The following PCM1 variants were observed in gnomAD, a reference collection of about 807,000 sequenced individuals.
The protein encoded by PCM1 is pericentriolar material 1.
In PCM1, 157 loss-of-function variants were observed where a neutral mutation model predicts 241.9. That is an observed-to-expected ratio of 0.65 (90% CI 0.57 to 0.74). The LOEUF (loss-of-function observed/expected upper bound fraction) is 0.74, where lower values mean the gene tolerates loss of function less well. PCM1 is among the 30% of genes least tolerant of loss of function. The pLI is 0.00. For missense variants in PCM1, 3,478 were observed against 2,360.1 expected, an observed-to-expected ratio of 1.47 and a Z score of -9.81; for synonymous variants, 1,085 against 784.9, an observed-to-expected ratio of 1.38 and a Z score of -6.39.
rs1283098807 is a variant in PCM1 at position 18,025,556 on chromosome 8, A to G, written c.5947A>G (p.Lys1983Glu). 3 of 1,580,816 alleles carry G rather than the reference A, an allele frequency of 1.9e-6. No homozygotes were observed. In the African/African-American group the frequency reaches 4.1e-5, roughly 21 times the overall value. The part of the protein sequence containing the change: ...LTIYSEADLR[K>E]KMVEEEQKNH... The stretch of plus-strand genomic sequence containing the variant: ...TTTCATTCCAAAGGCAGATCTAAGA[A>G]AGAAAATGGTAGAAGAAGAACAGAA... The change falls in exon 38 of 39, where the codon AAG becomes GAG. Residue 1983 changes from lysine to glutamate, a missense_variant. Coordinates refer to ENST00000325083, the MANE Select transcript of PCM1 (RefSeq NM_006197.4).
At position 18,009,865 on chromosome 8, in the gene PCM1, T is replaced by A. The variant is rs1297508063; in HGVS notation, c.5160+121T>A. 3.7e-5 allele frequency: 21 copies of A among 574,380 alleles called. No homozygotes were observed. In the East Asian group the frequency reaches 6.5e-4, roughly 18 times the overall value. 35.6% of individuals were successfully genotyped at this position (574,380 alleles called of 1,614,324 possible). A position where few individuals can be genotyped will look rare whatever the true frequency, so the allele number is the denominator to read the frequency against. ...AGTAGTTGTTTTTAGTAATACCAGTTAATCACATTATAAGTCATTACATAT... is the reference window on the plus strand; with the variant it reads ...AGTAGTTGTTTTTAGTAATACCAGTAAATCACATTATAAGTCATTACATAT... On this transcript the variant is annotated intron_variant, in intron 31 of 38. Transcript: ENST00000325083.
At chr8:17,951,273 G>A (rs1200749528) in intron 8 of PCM1, among the ~76,000 whole-genome samples, 2 of 152,194 alleles carry the variant, frequency 1.3e-5, no homozygotes, top group Admixed American at 1.3e-4. Flanking sequence ...ATGAATTAAT[G>A]CCTCTCCATT....
chr8:17,950,857 C>T (rs560562615), intron 8 of PCM1, 133 bp downstream of exon 8: 10 of 632,986 alleles, frequency 1.6e-5, no homozygotes, highest in Non-Finnish European at 2.7e-5. Flanking sequence ...TGGTGGGGTC[C>T]CCCCCACCTT....
At chr8:18,019,282 T>A (rs1285910898) in intron 36 of PCM1, among the ~76,000 whole-genome samples, 4 of 152,188 alleles carry the variant, frequency 2.6e-5, no homozygotes, top group African/African-American at 9.6e-5. Context: ...TAGCTTACAA[T>A]GGACATAAGG....
chr8:17,973,165 A>G (rs1055437623), intron 23 of PCM1, among the ~76,000 whole-genome samples: 1 of 152,154 alleles, frequency 6.6e-6, no homozygotes, highest in Non-Finnish European at 1.5e-5. Context: ...GTAAACTCAT[A>G]TTTTACTCAG....
Position 17,970,613 on chromosome 8 carries a change from C to T in PCM1, c.3584+865C>T, listed in dbSNP as rs1457971019. On this transcript the variant is annotated intron_variant, in intron 22 of 38. Transcript: ENST00000325083. ...GTATTCTGTTGTCAGAAGCCTAACA[C>T]AGTGTTAGTTCACAGTTGCCATTCA... 2.0e-5 allele frequency among the ~76,000 whole-genome samples: 3 copies of T among 152,084 alleles called. No individual in the cohort carries two copies. In the South Asian group the frequency reaches 6.2e-4, roughly 31 times the overall value.
chr8:17,945,860 C>T (rs555186861), intron 6 of PCM1, among the ~76,000 whole-genome samples: 27 of 151,806 alleles, frequency 1.8e-4, no homozygotes, highest in Admixed American at 1.5e-3. Flanking sequence ...TTACATAACC[C>T]GACAAAAATT....
chr8:17,983,960 G>A (rs2081794943), intron 24 of PCM1, among the ~76,000 whole-genome samples: 1 of 152,034 alleles, frequency 6.6e-6, no homozygotes, highest in Non-Finnish European at 1.5e-5. Flanking sequence ...AAGGAACTCT[G>A]AAAATAGGAT....
intron 36 of PCM1, among the ~76,000 whole-genome samples, chr8:18,016,432 AGAAG>A (rs2093209666): frequency 2.1e-5 from 1 of 47,466 alleles, no homozygotes; most frequent in Admixed American, 1.6e-4. Flanking sequence ...ACTTTACCAG[AGAAG>A]AGAAGAGTTA....
intron 34 of PCM1, among the ~76,000 whole-genome samples, chr8:18,012,533 T>C (rs1042552058): frequency 6.6e-6 from 1 of 152,218 alleles, no homozygotes; most frequent in African/African-American, 2.4e-5. Context: ...ATACACTCTA[T>C]GGATGAGGCG....
At chr8:17,960,886 A>G (rs1586903401) in intron 15 of PCM1, among the ~76,000 whole-genome samples, 1 of 152,130 alleles carries the variant, frequency 6.6e-6, no homozygotes. Flanking sequence ...TGGATGAACT[A>G]ATGAAGAGTT....
At chr8:17,995,641 T>C (rs962878627) in intron 29 of PCM1, among the ~76,000 whole-genome samples, 6 of 151,494 alleles carry the variant, frequency 4.0e-5, no homozygotes, top group Non-Finnish European at 5.9e-5. Context: ...ATTGAATCTG[T>C]AGATTGCTTC....
At chr8:17,979,539 C>G (rs2079968442) in intron 23 of PCM1, among the ~76,000 whole-genome samples, 1 of 152,090 alleles carries the variant, frequency 6.6e-6, no homozygotes, top group South Asian at 2.1e-4. Context: ...CATAGTAGTA[C>G]TCTAAGTGTT....
At chr8:18,027,406 A>T (rs1332492651) in intron 38 of PCM1, among the ~76,000 whole-genome samples, 1 of 152,014 alleles carries the variant, frequency 6.6e-6, no homozygotes, top group African/African-American at 2.4e-5. Context: ...TTCATAGTGG[A>T]GTGTTTTTAG....
At chr8:17,962,254 A>C in intron 16 of PCM1, 80 bp downstream of exon 16, 2 of 1,182,184 alleles carry the variant, frequency 1.7e-6, no homozygotes, top group Non-Finnish European at 2.4e-6. Flanking sequence ...ACATCTCAAG[A>C]AAGGAAACTG....
At chr8:18,010,702 G>A in intron 32 of PCM1, 34 bp downstream of exon 32, 1 of 1,495,774 alleles carries the variant, frequency 6.7e-7, no homozygotes, top group Non-Finnish European at 9.1e-7. Flanking sequence ...TAAAAATATG[G>A]CTGGGCGCGG....
chr8:17,924,388 G>A (rs2056026215), intron 1 of PCM1, among the ~76,000 whole-genome samples: 3 of 152,174 alleles, frequency 2.0e-5, no homozygotes, highest in African/African-American at 7.2e-5. Flanking sequence ...GTAACAGGAA[G>A]CTCGATCAAT....
In PCM1 at chr8:18,010,677, T is replaced by C. The variant is rs746304645; in HGVS notation, c.5220+9T>C. The C allele has an allele frequency of 5.7e-6, 9 of 1,586,396 alleles. No individual in the cohort carries two copies. The highest frequency in any genetic ancestry group is 7.7e-6 in the Non-Finnish European group (9 of 1,165,682). On this transcript the variant is annotated intron_variant, in intron 32 of 38. Transcript: ENST00000325083. ...TTGATGATGAAGACAAAGTATGTGC[T>C]AATTAATTTTTGCCTAAAAATATGG...
intron 24 of PCM1, chr8:17,983,334 T>G: frequency 3.4e-6 from 4 of 1,174,194 alleles, no homozygotes; most frequent in Non-Finnish European, 4.6e-6. Flanking sequence ...GTTAATTTTT[T>G]CCCATTGGTC....
Sources: gnomAD v4.1 joint callset for allele counts (sites outside exome capture counted in the v4.1 genomes callset) on GRCh38, gnomAD v4.1.1 for gene constraint, MANE v1.5 for transcripts, NCBI Gene and HGNC (gene_info 2026-07-23, HGNC 2026-07-21) for gene names.